IL1RAPL1: variants seen among roughly 807,000 people sequenced by gnomAD.
IL1RAPL1 encodes the protein interleukin 1 receptor accessory protein like 1.
Under a neutral mutation model 48.4 loss-of-function variants are expected in IL1RAPL1, and 3 were observed. That is an observed-to-expected ratio of 0.06 (90% CI 0.03 to 0.16). IL1RAPL1 has a LOEUF of 0.16. Among genes scored for constraint, IL1RAPL1 ranks in the 10% least tolerant of loss-of-function variants. IL1RAPL1 has a pLI of 1.00. For synonymous variants in IL1RAPL1, 185 were observed against 187.7 expected (o/e 0.99, Z 0.12); for missense variants, 349 against 530.6 (o/e 0.66, Z 3.36).
intron 5 of IL1RAPL1, among the ~76,000 whole-genome samples, chrX:29,457,300 G>A (rs1172504632): frequency 9.2e-6 from 1 of 108,864 alleles, no homozygotes; most frequent in Non-Finnish European, 1.9e-5. Context: ...ATTGTACCCA[G>A]GTAGTGAGCA....
chrX:28,808,321 T>G (rs915560122), intron 2 of IL1RAPL1, among the ~76,000 whole-genome samples: 1 of 111,352 alleles, frequency 9.0e-6, no homozygotes, highest in Non-Finnish European at 1.9e-5. Flanking sequence ...TATGCCACCA[T>G]GTGGTTATAC....
intron 2 of IL1RAPL1, among the ~76,000 whole-genome samples, chrX:29,256,068 C>T (rs1486997931): frequency 2.7e-5 from 3 of 111,279 alleles, no homozygotes; most frequent in Non-Finnish European, 3.8e-5. Flanking sequence ...ATTTCCATTC[C>T]CACCAACAGC....
At chrX:28,886,618 C>T (rs73452884) in intron 2 of IL1RAPL1, among the ~76,000 whole-genome samples, 260 of 110,406 alleles carry the variant, frequency 2.4e-3, no homozygotes, top group African/African-American at 7.5e-3. Flanking sequence ...ACTTAGTTTA[C>T]GAATGTTTAT....
intron 5 of IL1RAPL1, among the ~76,000 whole-genome samples, chrX:29,557,040 A>T (rs1922025574): frequency 8.9e-6 from 1 of 112,089 alleles, no homozygotes; most frequent in Admixed American, 9.5e-5. Context: ...TAAAAATATT[A>T]TAGTACTTCA....
intron 6 of IL1RAPL1, among the ~76,000 whole-genome samples, chrX:29,784,969 G>C (rs928622423): frequency 2.7e-5 from 3 of 111,840 alleles, no homozygotes; most frequent in African/African-American, 6.5e-5. Flanking sequence ...GCAGTAGTCA[G>C]ACTGTCATTA....
At chrX:28,649,359 C>A (rs1934657261) in intron 1 of IL1RAPL1, among the ~76,000 whole-genome samples, 1 of 112,157 alleles carries the variant, frequency 8.9e-6, no homozygotes, top group Non-Finnish European at 1.9e-5. Flanking sequence ...CAGTTTCTTT[C>A]ACCTCCACTG....
At chrX:29,301,723 C>T (rs370598179) in intron 3 of IL1RAPL1, among the ~76,000 whole-genome samples, 1 of 111,399 alleles carries the variant, frequency 9.0e-6, no homozygotes, top group African/African-American at 3.3e-5. Flanking sequence ...GAAGATGCCA[C>T]AGTCAACCAG....
chrX:29,176,862 T>C (rs1209662807), intron 2 of IL1RAPL1, among the ~76,000 whole-genome samples: 3 of 111,140 alleles, frequency 2.7e-5, no homozygotes, highest in Non-Finnish European at 5.6e-5. Flanking sequence ...CAGAGGGAGA[T>C]TGGACCGTGA....
chrX:29,174,928 G>T (rs1381731939), intron 2 of IL1RAPL1, among the ~76,000 whole-genome samples: 2 of 109,977 alleles, frequency 1.8e-5, no homozygotes, highest in Non-Finnish European at 3.8e-5. Context: ...CAAAAAATTA[G>T]CCGGGCGTGG....
intron 6 of IL1RAPL1, among the ~76,000 whole-genome samples, chrX:29,684,545 A>T (rs1167495478): frequency 1.8e-4 from 19 of 107,760 alleles, no homozygotes; most frequent in African/African-American, 6.1e-4. Flanking sequence ...TTGTTTTTCT[A>T]TTCAGTTGCA....
intron 1 of IL1RAPL1, among the ~76,000 whole-genome samples, chrX:28,753,835 C>G (rs776373821): frequency 3.6e-5 from 4 of 110,704 alleles, no homozygotes; most frequent in Non-Finnish European, 5.7e-5. Flanking sequence ...TTCCCCTATC[C>G]TCCTGTATCT....
intron 2 of IL1RAPL1, among the ~76,000 whole-genome samples, chrX:29,178,177 T>C (rs918301453): frequency 2.7e-5 from 3 of 111,787 alleles, no homozygotes; most frequent in Non-Finnish European, 5.6e-5. Flanking sequence ...ACACTGTCTT[T>C]CACAATGGTT....
chrX:29,433,766 G>C (rs57149057), intron 5 of IL1RAPL1, among the ~76,000 whole-genome samples: 9,478 of 110,517 alleles, frequency 0.086, 551 homozygotes, highest in African/African-American at 0.21. Flanking sequence ...GAGTTTTTAA[G>C]TAAGCATATT....
chrX:29,477,658 T>C (rs892794935), intron 5 of IL1RAPL1, among the ~76,000 whole-genome samples: 3 of 112,093 alleles, frequency 2.7e-5, no homozygotes, highest in Non-Finnish European at 5.6e-5. Flanking sequence ...GCACTATTAT[T>C]ATCCCCATTT....
intron 6 of IL1RAPL1, among the ~76,000 whole-genome samples, chrX:29,827,074 A>G (rs1246948645): frequency 8.9e-6 from 1 of 112,124 alleles, no homozygotes; most frequent in Non-Finnish European, 1.9e-5. Flanking sequence ...ATAGCAACTC[A>G]CTGTGGTTTT....
intron 1 of IL1RAPL1, among the ~76,000 whole-genome samples, chrX:28,746,361 T>TA (rs1308498836): frequency 8.9e-6 from 1 of 111,803 alleles, no homozygotes; most frequent in Non-Finnish European, 1.9e-5. Context: ...GTAGTAAACT[T>TA]AAAAAACTCT....
chrX:29,403,927 C>A (rs941259664), intron 5 of IL1RAPL1, among the ~76,000 whole-genome samples: 3 of 112,515 alleles, frequency 2.7e-5, no homozygotes, highest in Non-Finnish European at 3.8e-5. Context: ...TTTAGCCTTA[C>A]AGACTTCACT....
rs1438194601 is a variant in IL1RAPL1, at chrX:29,239,328, A to T, written c.83-43610A>T. On this transcript the variant is annotated intron_variant, in intron 2 of 10. Coordinates refer to ENST00000378993, the MANE Select transcript of IL1RAPL1 (RefSeq NM_014271.4). Reference sequence around the variant, plus strand: ...ATGTGATAGAAAACTGTTACAACTAAATTACATTATTTTTAAAAATATGAT... The same window carrying T: ...ATGTGATAGAAAACTGTTACAACTATATTACATTATTTTTAAAAATATGAT... Among the ~76,000 whole-genome samples the T allele has an allele frequency of 4.4e-5, 5 of 112,392 alleles. No individual in the cohort carries two copies. The South Asian group carries it at 1.8e-3, about 41-fold the overall frequency.
chrX:28,829,432 G>A (rs1275221818), intron 2 of IL1RAPL1, among the ~76,000 whole-genome samples: 1 of 111,182 alleles, frequency 9.0e-6, no homozygotes, highest in Non-Finnish European at 1.9e-5. Context: ...CCTGATCTTA[G>A]GATCCAGCCC....
Sources: allele counts gnomAD v4.1 joint callset (sites outside exome capture counted in the v4.1 genomes callset), GRCh38; gene constraint gnomAD v4.1.1; transcripts MANE v1.5; gene names NCBI Gene and HGNC (gene_info 2026-07-23, HGNC 2026-07-21).